PTPRD: variants seen among roughly 807,000 people sequenced by gnomAD.
PTPRD encodes protein tyrosine phosphatase receptor type D, also known as receptor-type tyrosine-protein phosphatase delta.
Under a neutral mutation model 214.5 loss-of-function variants are expected in PTPRD, and 34 were observed. The observed-to-expected ratio is 0.16, with a 90% confidence interval of 0.12 to 0.21. PTPRD has a LOEUF of 0.21. PTPRD is among the 10% of genes least tolerant of loss of function. The probability of loss-of-function intolerance (pLI) is 1.00; values close to 1 mark genes in which losing one functional copy is unlikely to be tolerated. For missense variants in PTPRD, 2,545 were observed against 2,398.7 expected, an observed-to-expected ratio of 1.06 and a Z score of -1.27; for synonymous variants, 1,128 against 845.7, an observed-to-expected ratio of 1.33 and a Z score of -5.79.
At chr9:9,086,811 C>T (rs1481108571) in intron 10 of PTPRD, among the ~76,000 whole-genome samples, 2 of 152,098 alleles carry the variant, frequency 1.3e-5, no homozygotes, top group Non-Finnish European at 2.9e-5. Context: ...TTAGGTGAGT[C>T]ACAGACTTCT....
chr9:9,300,523 G>T (rs901515700), intron 9 of PTPRD, among the ~76,000 whole-genome samples: 2 of 151,742 alleles, frequency 1.3e-5, no homozygotes, highest in Non-Finnish European at 2.9e-5. Context: ...TGTTGAAATT[G>T]TAACTCCAAA....
At chr9:8,689,289 A>G (rs1411661216) in intron 12 of PTPRD, among the ~76,000 whole-genome samples, 1 of 152,248 alleles carries the variant, frequency 6.6e-6, no homozygotes, top group African/African-American at 2.4e-5. Context: ...GACTACAGAG[A>G]AGGGAATATT....
At position 8,852,259 on chromosome 9, in the gene PTPRD, GAAAA is replaced by G. The variant is rs1263476522; in HGVS notation, c.-103-118317_-103-118314del. Among the ~76,000 whole-genome samples, 4 of 152,146 alleles carry G rather than the reference GAAAA, an allele frequency of 2.6e-5. No homozygotes were observed. The South Asian group carries it at 6.2e-4, about 24-fold the overall frequency. ...TCAAGGGATGTTGTTAATAAAAAAA[GAAAA>G]AGAAAAAGACAATTGAGAATTTATA... is the stretch of plus-strand genomic sequence containing the variant. On this transcript the variant is annotated intron_variant, in intron 11 of 45. Coordinates refer to ENST00000381196, the MANE Select transcript of PTPRD (RefSeq NM_002839.4).
intron 2 of PTPRD, among the ~76,000 whole-genome samples, chr9:10,507,951 G>T (rs1372461927): frequency 2.0e-5 from 3 of 152,110 alleles, no homozygotes; most frequent in Non-Finnish European, 4.4e-5. Flanking sequence ...TGACAAATGG[G>T]ATCTAATTAA....
chr9:9,106,461 C>A (rs2099798684), intron 10 of PTPRD, among the ~76,000 whole-genome samples: 1 of 151,096 alleles, frequency 6.6e-6, no homozygotes, highest in African/African-American at 2.4e-5. Context: ...TTAAATATGC[C>A]TAAAGTTAAT....
intron 11 of PTPRD, among the ~76,000 whole-genome samples, chr9:8,858,883 C>T (rs1193263534): frequency 1.3e-5 from 2 of 151,990 alleles, no homozygotes; most frequent in African/African-American, 4.8e-5. Context: ...GGCGGGGTGA[C>T]GTCACTCCCC....
At chr9:10,430,343 A>C (rs2154520311) in intron 2 of PTPRD, among the ~76,000 whole-genome samples, 1 of 152,066 alleles carries the variant, frequency 6.6e-6, no homozygotes, top group African/African-American at 2.4e-5. Context: ...TAAATCTATA[A>C]ATGAGTTTTT....
chr9:10,166,243 G>GAA (rs778596359), intron 3 of PTPRD, among the ~76,000 whole-genome samples: 85 of 76,378 alleles, frequency 1.1e-3, no homozygotes, highest in African/African-American at 3.5e-3. Flanking sequence ...CTGAAAAATT[G>GAA]AAAAAAAAAA....
intron 33 of PTPRD, among the ~76,000 whole-genome samples, chr9:8,454,826 G>A (rs1226603860): frequency 6.6e-6 from 1 of 151,534 alleles, no homozygotes; most frequent in Admixed American, 6.6e-5. Context: ...GTGTGTGTGT[G>A]TGTGTGTGTG....
At chr9:9,959,424 G>C (rs1486024095) in intron 4 of PTPRD, among the ~76,000 whole-genome samples, 2 of 152,040 alleles carry the variant, frequency 1.3e-5, no homozygotes, top group African/African-American at 4.8e-5. Context: ...TGTAATGGTG[G>C]ACACATGACA....
rs2097960925 is a variant in PTPRD, at chr9:8,524,444, GTT to G, written c.679+479_679+480del. ...ACTGTGCTATTTGCATGTAGCACTTGTTTTATAGAGTTAGCAGCTTTATCCTT... is the reference window on the plus strand; with the variant it reads ...ACTGTGCTATTTGCATGTAGCACTTGTTATAGAGTTAGCAGCTTTATCCTT... On this transcript the variant is annotated intron_variant, in intron 18 of 45. Transcript: ENST00000381196. Among the ~76,000 whole-genome samples the G allele has an allele frequency of 2.0e-5, 3 of 152,142 alleles. No individual in the cohort carries two copies. The South Asian group carries it at 6.2e-4, about 31-fold the overall frequency.
intron 2 of PTPRD, among the ~76,000 whole-genome samples, chr9:10,512,501 G>A (rs1036808286): frequency 6.6e-5 from 10 of 152,136 alleles, no homozygotes; most frequent in Non-Finnish European, 1.3e-4. Flanking sequence ...TAAGTATGCG[G>A]TGGTGGGTTG....
At chr9:9,973,301 C>CCAAA (rs887807297) in intron 4 of PTPRD, among the ~76,000 whole-genome samples, 2 of 74,200 alleles carry the variant, frequency 2.7e-5, no homozygotes, top group African/African-American at 4.4e-5. Context: ...CCTTGTCTTT[C>CCAAA]AAAAAAAAAA....
intron 3 of PTPRD, among the ~76,000 whole-genome samples, chr9:10,174,165 G>C (rs948192656): frequency 3.3e-5 from 5 of 152,146 alleles, no homozygotes; most frequent in Non-Finnish European, 5.9e-5. Context: ...GCTATGGTTT[G>C]AATGTTTGTC....
rs145981627 is a variant in PTPRD at position 9,089,147 on chromosome 9, G to A, written c.-142-70412C>T. Among the ~76,000 whole-genome samples the A allele has an allele frequency of 4.4e-3, 676 of 152,196 alleles. 5 individuals carry two copies. The highest frequency in any genetic ancestry group is 0.016 in the African/African-American group (646 of 41,524). On this transcript the variant is annotated intron_variant, in intron 10 of 45. Coordinates refer to ENST00000381196, the MANE Select transcript of PTPRD (RefSeq NM_002839.4). ...AGTGTGTGTGTGTGTTGAGTGGGGT[G>A]GCATATGTAAGATATTCTTGTGTTG... is the stretch of plus-strand genomic sequence containing the variant.
chr9:9,000,033 C>A (rs973117), intron 11 of PTPRD, among the ~76,000 whole-genome samples: 70,171 of 151,826 alleles, frequency 0.46, 17,526 homozygotes, highest in East Asian at 0.66. Flanking sequence ...CAAATTTACA[C>A]TCTGTCCAAA....
chr9:9,465,425 T>C (rs1192934004), intron 8 of PTPRD, among the ~76,000 whole-genome samples: 4 of 152,194 alleles, frequency 2.6e-5, no homozygotes, highest in Non-Finnish European at 5.9e-5. Context: ...ATATGCAAAC[T>C]GATTGTTTGA....
intron 5 of PTPRD, among the ~76,000 whole-genome samples, chr9:9,865,017 A>G (rs2093607335): frequency 6.6e-6 from 1 of 151,918 alleles, no homozygotes; most frequent in Non-Finnish European, 1.5e-5. Context: ...CATAAACAAA[A>G]ATACCTCTAT....
chr9:8,957,852 A>C (rs1423351930), intron 11 of PTPRD, among the ~76,000 whole-genome samples: 1 of 151,812 alleles, frequency 6.6e-6, no homozygotes. Flanking sequence ...TATATTTATG[A>C]GGACATATGG....
Sources: allele counts gnomAD v4.1 joint callset (sites outside exome capture counted in the v4.1 genomes callset), GRCh38; gene constraint gnomAD v4.1.1; transcripts MANE v1.5; gene names NCBI Gene and HGNC (gene_info 2026-07-23, HGNC 2026-07-21).